GLMN: variants seen among roughly 807,000 people sequenced by gnomAD.
The protein encoded by GLMN is glomulin.
A neutral mutation model predicts 87.8 loss-of-function variants in GLMN; 75 were observed. The ratio of observed to expected loss-of-function variants is 0.85; its 90% CI spans 0.71 to 1.04. The LOEUF (loss-of-function observed/expected upper bound fraction) is 1.04. Ranked by LOEUF, GLMN falls within the 50% of genes least tolerant of loss-of-function variation. The probability of loss-of-function intolerance (pLI) is 0.00; values close to 1 mark genes in which losing one functional copy is unlikely to be tolerated. For missense variants in GLMN, 588 were observed against 658.8 expected (o/e 0.89, Z 1.18); for synonymous variants, 206 against 221.6 (o/e 0.93, Z 0.63).
At chr1:92,321,608 C>T in the GLMN span, among the ~76,000 whole-genome samples, 1 of 152,160 alleles carries the variant, frequency 6.6e-6, no homozygotes, top group South Asian at 2.1e-4. Context: ...GGCAAAGCTA[C>T]TGTTGCCTTC....
At chr1:92,320,543 T>C in the GLMN span, 1 of 1,498,554 alleles carries the variant, frequency 6.7e-7, no homozygotes, top group South Asian at 1.1e-5. Flanking sequence ...GTGCTGGGGT[T>C]ACAGGCATGA....
the GLMN span, among the ~76,000 whole-genome samples, chr1:92,317,244 C>T: frequency 6.6e-6 from 1 of 152,100 alleles, no homozygotes; most frequent in South Asian, 2.1e-4. Context: ...TGCGGTGGCT[C>T]ACAACTGTAA....
the GLMN span, among the ~76,000 whole-genome samples, chr1:92,305,131 T>C: frequency 1.3e-5 from 2 of 150,398 alleles, no homozygotes; most frequent in Non-Finnish European, 3.0e-5. Context: ...CAAGACACTG[T>C]CTTCAAAAAA....
At chr1:92,275,825 G>A (rs1647243007) in intron 7 of GLMN, among the ~76,000 whole-genome samples, 1 of 152,054 alleles carries the variant, frequency 6.6e-6, no homozygotes, top group Non-Finnish European at 1.5e-5. Context: ...TACCACTTCC[G>A]ACTTCCTTCT....
At chr1:92,273,451 T>G (rs1453396968) in intron 7 of GLMN, among the ~76,000 whole-genome samples, 3 of 148,882 alleles carry the variant, frequency 2.0e-5, no homozygotes, top group African/African-American at 7.4e-5. Context: ...GTTTTTTTTT[T>G]TTTTTTTTTT....
intron 7 of GLMN, among the ~76,000 whole-genome samples, chr1:92,283,880 A>C (rs1046184534): frequency 2.0e-5 from 3 of 152,230 alleles, no homozygotes; most frequent in African/African-American, 7.2e-5. Context: ...ATTACTACAA[A>C]GAGAATAAAA....
At chr1:92,324,288 T>A in the GLMN span, 1 of 1,613,934 alleles carries the variant, frequency 6.2e-7, no homozygotes, top group Non-Finnish European at 8.5e-7. Context: ...AAAAAGAAAC[T>A]GAAAAGTTAA....
chr1:92,300,740 T>G (rs35258040), upstream of GLMN, among the ~76,000 whole-genome samples: 62 of 152,352 alleles, frequency 4.1e-4, 1 homozygote, highest in African/African-American at 1.5e-3. Flanking sequence ...TTTTATTTTG[T>G]GAAGACTCAC....
the GLMN span, among the ~76,000 whole-genome samples, chr1:92,368,796 A>G: frequency 6.6e-6 from 1 of 152,238 alleles, no homozygotes; most frequent in Non-Finnish European, 1.5e-5. Context: ...TTTGATGTGT[A>G]GCATATGTGG....
chr1:92,258,088 G>C (rs1430173909), intron 16 of GLMN, among the ~76,000 whole-genome samples: 1 of 152,032 alleles, frequency 6.6e-6, no homozygotes, highest in African/African-American at 2.4e-5. Context: ...CCATCAAAAA[G>C]TGGGCAAAGG....
chr1:92,342,219 CTGTT>C, the GLMN span, among the ~76,000 whole-genome samples: 1 of 152,142 alleles, frequency 6.6e-6, no homozygotes, highest in Non-Finnish European at 1.5e-5. Flanking sequence ...TGAGAAGACA[CTGTT>C]TGTGTAAAGA....
chr1:92,247,579 A>C (rs1267589041), intron 17 of GLMN, among the ~76,000 whole-genome samples: 1 of 152,176 alleles, frequency 6.6e-6, no homozygotes, highest in Non-Finnish European at 1.5e-5. Context: ...TGAGAGTGAG[A>C]TGGAGAGTGG....
chr1:92,299,428 G>T (rs1650621144), upstream of GLMN, among the ~76,000 whole-genome samples: 1 of 152,126 alleles, frequency 6.6e-6, no homozygotes, highest in African/African-American at 2.4e-5. Context: ...CCCAGGCCTG[G>T]GGTCCCCGGG....
At chr1:92,361,560 A>G in the GLMN span, among the ~76,000 whole-genome samples, 1 of 152,168 alleles carries the variant, frequency 6.6e-6, no homozygotes, top group East Asian at 1.9e-4. Flanking sequence ...ATAGAGATGT[A>G]ATCTGTATAA....
chr1:92,298,928 C>G lies in GLMN; in HGVS notation c.-34G>C. ...ACCTCTCCACAACTCCACTTACCGG[C>G]CAGAACCCTCGCCTCTCCCAGCCGC... On this transcript the variant is annotated 5_prime_UTR_variant, in exon 1 of 19. Coordinates refer to ENST00000370360, the MANE Select transcript of GLMN (RefSeq NM_053274.3). 4.2e-6 allele frequency: 2 copies of G among 478,082 alleles called. No individual in the cohort carries two copies. The highest frequency in any genetic ancestry group is 7.0e-5 in the South Asian group (2 of 28,542). The allele number at this position is 478,082 out of a possible 1,614,324, so 29.6% of individuals were successfully genotyped here.
At chr1:92,258,453 T>C (rs1654548070) in intron 16 of GLMN, among the ~76,000 whole-genome samples, 1 of 152,138 alleles carries the variant, frequency 6.6e-6, no homozygotes, top group Admixed American at 6.6e-5. Flanking sequence ...CACATGCACA[T>C]GTATGTTTAC....
the GLMN span, among the ~76,000 whole-genome samples, chr1:92,345,654 G>A: frequency 6.6e-6 from 1 of 152,016 alleles, no homozygotes; most frequent in Admixed American, 6.6e-5. Context: ...ACTTCCTTTT[G>A]AGATGGCCAT....
At chr1:92,330,574 A>G in the GLMN span, among the ~76,000 whole-genome samples, 1 of 150,340 alleles carries the variant, frequency 6.7e-6, no homozygotes, top group African/African-American at 2.5e-5. Flanking sequence ...CAGCCTCCCA[A>G]GTAGCTGGGA....
chr1:92,255,237 C>T (rs1654064781), intron 16 of GLMN, among the ~76,000 whole-genome samples: 1 of 152,146 alleles, frequency 6.6e-6, no homozygotes. Flanking sequence ...AAAGCCAATA[C>T]AGAAACACCC....
Sources: allele counts gnomAD v4.1 joint callset (sites outside exome capture counted in the v4.1 genomes callset), GRCh38; gene constraint gnomAD v4.1.1; transcripts MANE v1.5; gene names NCBI Gene and HGNC (gene_info 2026-07-23, HGNC 2026-07-21).